ZFHX3: variants seen among roughly 807,000 people sequenced by gnomAD.
ZFHX3 encodes the protein zinc finger homeobox protein 3.
In ZFHX3, 42 loss-of-function variants were observed where a neutral mutation model predicts 279.1. The ratio of observed to expected loss-of-function variants is 0.15; its 90% confidence interval spans 0.12 to 0.19. The LOEUF is 0.19. Among genes scored for constraint, ZFHX3 ranks in the 10% least tolerant of loss-of-function variants. The pLI, the probability that ZFHX3 is intolerant of heterozygous loss-of-function variation, is 1.00. For missense variants in ZFHX3, 4,981 were observed against 4,754.0 expected (o/e 1.05, Z -1.40); for synonymous variants, 2,293 against 1,957.8 (o/e 1.17, Z -4.52).
At chr16:73,048,490 C>G (rs899257521), upstream of ZFHX3, 6 of 152,190 alleles carry the variant, frequency 3.9e-5, no homozygotes, top group Non-Finnish European at 1.5e-5. Context: ...TGCGCCGCCC[C>G]GGGAACCGGC....
intron 1 of ZFHX3, among the ~76,000 whole-genome samples, chr16:73,771,001 T>C (rs2054011780): frequency 1.3e-5 from 2 of 152,326 alleles, no homozygotes; most frequent in South Asian, 4.1e-4. Flanking sequence ...CCTAACTAGC[T>C]GTGAGATCTT....
At chr16:73,227,320 G>A (rs376041610) in intron 5 of ZFHX3, among the ~76,000 whole-genome samples, 11 of 152,278 alleles carry the variant, frequency 7.2e-5, no homozygotes, top group South Asian at 2.1e-4. Flanking sequence ...GAGAGATGAC[G>A]CTGATTTATT....
chr16:72,846,198 A>G (rs1392084301), intron 4 of ZFHX3, among the ~76,000 whole-genome samples: 3 of 152,222 alleles, frequency 2.0e-5, no homozygotes, highest in Non-Finnish European at 4.4e-5. Flanking sequence ...GCTAAGGGTC[A>G]ACGATAAAGT....
At chr16:73,713,786 T>C (rs953562104) in intron 1 of ZFHX3, among the ~76,000 whole-genome samples, 9 of 152,194 alleles carry the variant, frequency 5.9e-5, no homozygotes, top group Admixed American at 2.0e-4. Flanking sequence ...AAGCGAGCGA[T>C]ACAAATCCTG....
intron 1 of ZFHX3, among the ~76,000 whole-genome samples, chr16:73,748,350 T>C (rs553343894): frequency 3.3e-5 from 5 of 152,286 alleles, no homozygotes; most frequent in African/African-American, 1.2e-4. Context: ...TATTAAATCT[T>C]TCTAAAATTA....
chr16:73,797,159 T>A (rs961377180), intron 1 of ZFHX3, among the ~76,000 whole-genome samples: 1 of 152,042 alleles, frequency 6.6e-6, no homozygotes, highest in African/African-American at 2.4e-5. Context: ...GCCAAGATCA[T>A]ACCATTGCAC....
chr16:72,820,252 C>T (rs533119269), intron 5 of ZFHX3, among the ~76,000 whole-genome samples: 2 of 152,276 alleles, frequency 1.3e-5, no homozygotes, highest in South Asian at 4.1e-4. Context: ...GCTTGCTCTG[C>T]GTATTTTGGG....
intron 5 of ZFHX3, among the ~76,000 whole-genome samples, chr16:73,239,705 T>A (rs2013061471): frequency 6.6e-6 from 1 of 152,110 alleles, no homozygotes; most frequent in Non-Finnish European, 1.5e-5. Context: ...ACGGGGATGA[T>A]TTCCTAAGTT....
intron 1 of ZFHX3, among the ~76,000 whole-genome samples, chr16:72,975,864 A>C (rs1416018545): frequency 6.6e-6 from 1 of 152,184 alleles, no homozygotes; most frequent in Non-Finnish European, 1.5e-5. Context: ...AAGAACCACC[A>C]AGGCCACGTT....
At chr16:73,123,250 C>T (rs963167157) in intron 7 of ZFHX3, 2 of 149,406 alleles carry the variant, frequency 1.3e-5, no homozygotes, top group Non-Finnish European at 3.0e-5. Context: ...CTCCTCCCAC[C>T]AAGACGTGGA....
At chr16:73,709,592 T>C (rs2053338061) in intron 1 of ZFHX3, among the ~76,000 whole-genome samples, 1 of 151,638 alleles carries the variant, frequency 6.6e-6, no homozygotes, top group Non-Finnish European at 1.5e-5. Context: ...CTCATAGAAG[T>C]AGAGAGTAGA....
intron 3 of ZFHX3, among the ~76,000 whole-genome samples, chr16:73,392,837 T>G (rs2017046940): frequency 2.0e-5 from 1 of 51,166 alleles, no homozygotes. Context: ...ATCTTTGTTT[T>G]TTGTTTTTTT....
At chr16:73,844,504 T>A (rs1961393701) in intron 1 of ZFHX3, among the ~76,000 whole-genome samples, 1 of 152,162 alleles carries the variant, frequency 6.6e-6, no homozygotes, top group Admixed American at 6.6e-5. Flanking sequence ...ATGCTAAATA[T>A]ACATCACTTA....
At chr16:72,906,862 T>C (rs2039187698) in intron 3 of ZFHX3, among the ~76,000 whole-genome samples, 1 of 150,716 alleles carries the variant, frequency 6.6e-6, no homozygotes, top group Non-Finnish European at 1.5e-5. Context: ...ATGGTAGGAG[T>C]TGGGGAGGAG....
At chr16:73,837,605 T>G (rs185533891) in intron 1 of ZFHX3, among the ~76,000 whole-genome samples, 1 of 151,600 alleles carries the variant, frequency 6.6e-6, no homozygotes, top group East Asian at 1.9e-4. Context: ...ATATTTCTAT[T>G]TCCACATTGC....
At chr16:73,558,470 T>A (rs1231298433) in intron 2 of ZFHX3, 1 of 152,172 alleles carries the variant, frequency 6.6e-6, no homozygotes, top group African/African-American at 2.4e-5. Context: ...AAGCTTGAGG[T>A]CTGTTTCTAC....
chr16:73,358,377 T>G (rs1011046530), intron 3 of ZFHX3, among the ~76,000 whole-genome samples: 2 of 152,230 alleles, frequency 1.3e-5, no homozygotes, highest in South Asian at 2.1e-4. Context: ...TGAGCTGCAC[T>G]GTGAAGTGGC....
chr16:72,972,234 G>C (rs1962137174), intron 1 of ZFHX3, among the ~76,000 whole-genome samples: 1 of 152,112 alleles, frequency 6.6e-6, no homozygotes, highest in South Asian at 2.1e-4. Flanking sequence ...GTCCTTTTCT[G>C]AGTGAGTAAT....
chr16:73,673,815 G>A (rs1353928735), intron 2 of ZFHX3, among the ~76,000 whole-genome samples: 2 of 152,108 alleles, frequency 1.3e-5, no homozygotes, highest in Non-Finnish European at 1.5e-5. Flanking sequence ...TTAGACTATA[G>A]GGGCAGTGAA....
Sources: gnomAD v4.1 joint callset for allele counts (sites outside exome capture counted in the v4.1 genomes callset) on GRCh38, gnomAD v4.1.1 for gene constraint, MANE v1.5 for transcripts, NCBI Gene and HGNC (gene_info 2026-07-23, HGNC 2026-07-21) for gene names.